The following WDPCP variants were observed in gnomAD, a reference collection of about 807,000 sequenced individuals.
The protein encoded by WDPCP is WD repeat-containing and planar cell polarity effector protein fritz homolog.
A neutral mutation model predicts 93.1 loss-of-function variants in WDPCP; 71 were observed. The observed-to-expected ratio is 0.76, with a 90% CI of 0.63 to 0.93. WDPCP has a LOEUF of 0.93. Among genes scored for constraint, WDPCP ranks in the 40% least tolerant of loss-of-function variants. The probability of loss-of-function intolerance (pLI) is 0.00; values close to 1 mark genes in which losing one functional copy is unlikely to be tolerated. For synonymous variants in WDPCP, 315 were observed against 315.0 expected, an observed-to-expected ratio of 1.00 and a Z score of 0.00; for missense variants, 844 against 887.4, an observed-to-expected ratio of 0.95 and a Z score of 0.62.
At chr2:63,302,948 A>T (rs560289626) in intron 13 of WDPCP, among the ~76,000 whole-genome samples, 132 of 152,326 alleles carry the variant, frequency 8.7e-4, no homozygotes, top group African/African-American at 2.7e-3. Context: ...TACAATGGTG[A>T]CTATCTTCTT....
intron 1 of WDPCP, among the ~76,000 whole-genome samples, chr2:63,530,874 C>T (rs1330085999): frequency 1.2e-4 from 1 of 8,014 alleles, no homozygotes; most frequent in Non-Finnish European, 2.2e-4. Context: ...ACAGTGTGAG[C>T]CAAAGCAAGG....
chr2:63,741,593 T>A (rs1289766618), intron 2 of WDPCP, among the ~76,000 whole-genome samples: 1 of 151,866 alleles, frequency 6.6e-6, no homozygotes, highest in East Asian at 1.9e-4. Flanking sequence ...ATATTTGCAT[T>A]TTTTTTTCAA....
chr2:63,226,681 A>G (rs2104520720), intron 14 of WDPCP, among the ~76,000 whole-genome samples: 1 of 152,022 alleles, frequency 6.6e-6, no homozygotes, highest in South Asian at 2.1e-4. Context: ...ATCTCTCTGT[A>G]TTACTGTAGA....
intron 2 of WDPCP, among the ~76,000 whole-genome samples, chr2:63,750,085 G>A (rs1669858352): frequency 6.6e-6 from 1 of 152,052 alleles, no homozygotes; most frequent in East Asian, 1.9e-4. Context: ...AAATAGGTAA[G>A]AAAAGAGAAG....
intron 17 of WDPCP, among the ~76,000 whole-genome samples, chr2:63,132,966 A>T (rs936667781): frequency 6.6e-6 from 1 of 152,176 alleles, no homozygotes; most frequent in Admixed American, 6.5e-5. Context: ...GGGATTTGAA[A>T]ACAAAAAGAA....
intron 2 of WDPCP, among the ~76,000 whole-genome samples, chr2:63,676,016 A>G (rs1710399878): frequency 6.6e-6 from 1 of 152,186 alleles, no homozygotes. Context: ...TCTAGGACTA[A>G]TCTTTTTTAC....
intron 12 of WDPCP, among the ~76,000 whole-genome samples, chr2:63,360,334 A>T (rs1198142720): frequency 1.3e-5 from 2 of 152,246 alleles, no homozygotes; most frequent in Non-Finnish European, 2.9e-5. Context: ...AGTTAGTCTC[A>T]ACTAGTACAT....
intron 14 of WDPCP, among the ~76,000 whole-genome samples, chr2:63,182,198 G>A (rs758643000): frequency 6.6e-6 from 1 of 152,088 alleles, no homozygotes; most frequent in Non-Finnish European, 1.5e-5. Flanking sequence ...TAGGAGTGGT[G>A]AAAGTGGTCA....
At chr2:63,451,520 G>A (rs1312907504) in intron 6 of WDPCP, among the ~76,000 whole-genome samples, 2 of 152,186 alleles carry the variant, frequency 1.3e-5, no homozygotes, top group African/African-American at 4.8e-5. Flanking sequence ...GAGATACAAG[G>A]AGGAGCTGGT....
chr2:63,413,963 G>A (rs542038547), intron 9 of WDPCP, among the ~76,000 whole-genome samples: 38 of 149,186 alleles, frequency 2.5e-4, no homozygotes, highest in Non-Finnish European at 1.6e-4. Flanking sequence ...AATCTACAAC[G>A]ACCTCAAACA....
intron 13 of WDPCP, among the ~76,000 whole-genome samples, chr2:63,264,108 A>G (rs1681887249): frequency 6.6e-6 from 1 of 152,162 alleles, no homozygotes; most frequent in Non-Finnish European, 1.5e-5. Context: ...TAAAACATGG[A>G]TGTACCCCCG....
chr2:63,774,489 A>G (rs962758610), intron 2 of WDPCP, among the ~76,000 whole-genome samples: 1 of 152,154 alleles, frequency 6.6e-6, no homozygotes, highest in Non-Finnish European at 1.5e-5. Context: ...CTATGTGTGT[A>G]TATTTTTCCT....
chr2:63,605,180 C>T (rs1431869115), intron 3 of WDPCP: 6 of 777,460 alleles, frequency 7.7e-6, no homozygotes, highest in Non-Finnish European at 1.1e-5. Context: ...AAACATTAAG[C>T]TCTGGTCATA....
intron 13 of WDPCP, among the ~76,000 whole-genome samples, chr2:63,282,138 A>T (rs997632621): frequency 1.2e-4 from 19 of 152,358 alleles, no homozygotes; most frequent in African/African-American, 4.3e-4. Context: ...GTGAGCAAAA[A>T]GACCAAAGCT....
chr2:63,704,677 A>T (rs1669120072), intron 2 of WDPCP, among the ~76,000 whole-genome samples: 1 of 152,000 alleles, frequency 6.6e-6, no homozygotes, highest in Non-Finnish European at 1.5e-5. Context: ...AAGCTTTTTG[A>T]TGTGTTGCTG....
At chr2:63,575,983 A>G (rs1232396880) in intron 1 of WDPCP, among the ~76,000 whole-genome samples, 1 of 152,154 alleles carries the variant, frequency 6.6e-6, no homozygotes, top group East Asian at 1.9e-4. Flanking sequence ...TTTTACAGGC[A>G]CACAGTTAAG....
At position 63,409,066 on chromosome 2, in the gene WDPCP, C is replaced by T. The variant is rs546832071; in HGVS notation, c.826-4409G>A. On this transcript the variant is annotated intron_variant, in intron 9 of 17. Transcript: ENST00000272321. ...ACCACAGCTGATGCTCTCTGGAAAGCGCCACCTCCCGGCAGGAGGCCAACG... is the reference window on the plus strand; with the variant it reads ...ACCACAGCTGATGCTCTCTGGAAAGTGCCACCTCCCGGCAGGAGGCCAACG... Among the ~76,000 whole-genome samples the T allele has an allele frequency of 2.1e-4, 32 of 152,314 alleles. No individual in the cohort carries two copies. In the South Asian group the frequency reaches 5.4e-3, roughly 26 times the overall value.
chr2:63,794,457 C>A (rs1670587748), intron 2 of WDPCP, among the ~76,000 whole-genome samples: 1 of 152,184 alleles, frequency 6.6e-6, no homozygotes, highest in Non-Finnish European at 1.5e-5. Flanking sequence ...GCCAATGAGC[C>A]ATGTCAAAAA....
intron 9 of WDPCP, among the ~76,000 whole-genome samples, chr2:63,426,932 G>A (rs1696352512): frequency 2.0e-5 from 3 of 152,212 alleles, no homozygotes; most frequent in Admixed American, 1.3e-4. Flanking sequence ...AAGAGCCGGG[G>A]CCACTATTCT....
Sources: allele counts gnomAD v4.1 joint callset (sites outside exome capture counted in the v4.1 genomes callset), GRCh38; gene constraint gnomAD v4.1.1; transcripts MANE v1.5; gene names NCBI Gene and HGNC (gene_info 2026-07-23, HGNC 2026-07-21).